The following KIAA1671 variants were observed in gnomAD, a reference collection of about 807,000 sequenced individuals.
KIAA1671 encodes the protein uncharacterized protein KIAA1671.
In KIAA1671, 52 loss-of-function variants were observed where a neutral mutation model predicts 131.2. The ratio of observed to expected loss-of-function variants is 0.40; its 90% CI spans 0.32 to 0.50. The LOEUF (loss-of-function observed/expected upper bound fraction) is 0.50, where lower values mean the gene tolerates loss of function less well. Among genes scored for constraint, KIAA1671 ranks in the 20% least tolerant of loss-of-function variants. The probability of loss-of-function intolerance (pLI) is 0.73; values close to 1 mark genes in which losing one functional copy is unlikely to be tolerated. For missense variants in KIAA1671, 2,360 were observed against 2,364.2 expected (o/e 1.00, Z 0.04); for synonymous variants, 1,003 against 961.6 (o/e 1.04, Z -0.80).
chr22:25,141,176 T>C (rs1035515628), intron 6 of KIAA1671, among the ~76,000 whole-genome samples: 1 of 152,174 alleles, frequency 6.6e-6, no homozygotes, highest in Admixed American at 6.5e-5. Flanking sequence ...AGGAAGTAAA[T>C]TCACCCACAT....
At chr22:25,064,066 T>G (rs1376031981) in intron 6 of KIAA1671, 1 of 152,202 alleles carries the variant, frequency 6.6e-6, no homozygotes, top group Non-Finnish European at 1.5e-5. Flanking sequence ...TTTTTGTGTT[T>G]GTTTGTTTGT....
intron 6 of KIAA1671, among the ~76,000 whole-genome samples, chr22:25,151,798 G>A (rs1357288315): frequency 6.6e-6 from 1 of 151,904 alleles, no homozygotes; most frequent in Non-Finnish European, 1.5e-5. Context: ...GAGTGTGGTG[G>A]TGCTATCTTG....
intron 6 of KIAA1671, among the ~76,000 whole-genome samples, chr22:25,090,366 T>C (rs1005187205): frequency 9.2e-5 from 14 of 152,260 alleles, no homozygotes; most frequent in Non-Finnish European, 1.9e-4. Flanking sequence ...TTGGAGAATT[T>C]AGCTGGGACC....
At chr22:25,146,989 A>G (rs1422724348) in intron 6 of KIAA1671, among the ~76,000 whole-genome samples, 5 of 151,676 alleles carry the variant, frequency 3.3e-5, no homozygotes, top group Admixed American at 3.3e-4. Flanking sequence ...TGCCTAATCC[A>G]TGTGTGTGTT....
intron 1 of KIAA1671, among the ~76,000 whole-genome samples, chr22:24,966,546 G>T (rs1922317428): frequency 6.6e-6 from 1 of 152,188 alleles, no homozygotes; most frequent in Non-Finnish European, 1.5e-5. Flanking sequence ...TTAGGCCCCA[G>T]CACTGGAAAG....
chr22:24,996,456 G>A (rs1460372521), intron 1 of KIAA1671, among the ~76,000 whole-genome samples: 1 of 152,182 alleles, frequency 6.6e-6, no homozygotes, highest in Non-Finnish European at 1.5e-5. Flanking sequence ...AGCTTTGGGA[G>A]GCAGTGTGTC....
chr22:25,029,120 C>CA lies in KIAA1671; in HGVS notation c.1122dup (p.Ser375IlefsTer8), dbSNP rs1209542272. On this transcript the variant is annotated frameshift_variant, in exon 3 of 13. Transcript: ENST00000358431. LOFTEE classifies it high-confidence loss of function. ...AGCCCCAGAGCCCTGGTGGGGGGCT[C>CA]ATCTGGGGTCACCCCCAGCAATGAC... 2.0e-6 allele frequency: 3 copies of CA among 1,463,690 alleles called. No homozygotes were observed. The African/African-American group carries it at 4.3e-5, about 21-fold the overall frequency. The allele number at this position is 1,463,690 out of a possible 1,614,324, so 90.7% of individuals were successfully genotyped here.
intron 6 of KIAA1671, among the ~76,000 whole-genome samples, chr22:25,084,735 A>T (rs575168696): frequency 1.9e-4 from 29 of 152,286 alleles, no homozygotes; most frequent in African/African-American, 7.0e-4. Flanking sequence ...CGAACAGTTG[A>T]GTGATAGAAC....
chr22:24,999,335 A>G (rs530200982), intron 1 of KIAA1671, among the ~76,000 whole-genome samples: 1 of 152,216 alleles, frequency 6.6e-6, no homozygotes, highest in South Asian at 2.1e-4. Context: ...CCTGGGCTCA[A>G]TTCACCCACC....
At chr22:25,051,847 A>C (rs1173470315) in intron 6 of KIAA1671, 2 of 152,250 alleles carry the variant, frequency 1.3e-5, no homozygotes, top group African/African-American at 4.8e-5. Flanking sequence ...GCTTTGATGA[A>C]TGACTTTGTG....
At chr22:24,996,910 C>A (rs1279913032) in intron 1 of KIAA1671, among the ~76,000 whole-genome samples, 2 of 152,166 alleles carry the variant, frequency 1.3e-5, no homozygotes, top group East Asian at 3.9e-4. Flanking sequence ...CCAACAGCAT[C>A]TCCCATAGGT....
intron 6 of KIAA1671, among the ~76,000 whole-genome samples, chr22:25,161,218 C>CA (rs1319715053): frequency 1.3e-5 from 2 of 151,952 alleles, no homozygotes; most frequent in Non-Finnish European, 2.9e-5. Context: ...AGAATTGTGA[C>CA]AAAAAACAGC....
At chr22:25,177,040 G>C in intron 8 of KIAA1671, 1 of 338,824 alleles carries the variant, frequency 3.0e-6, no homozygotes, top group Non-Finnish European at 5.4e-6. Flanking sequence ...TTGTGTGGTG[G>C]ATGTCACTGG....
At chr22:25,116,267 C>G (rs762166291) in intron 6 of KIAA1671, among the ~76,000 whole-genome samples, 4 of 150,898 alleles carry the variant, frequency 2.7e-5, no homozygotes, top group Non-Finnish European at 5.9e-5. Context: ...GAGACAGGGT[C>G]CTGCTATGTT....
At chr22:25,110,394 G>A (rs149744873) in intron 6 of KIAA1671, among the ~76,000 whole-genome samples, 13 of 152,320 alleles carry the variant, frequency 8.5e-5, no homozygotes, top group African/African-American at 1.2e-4. Flanking sequence ...TATTTACAGA[G>A]CCCTGACTCT....
At chr22:25,150,452 A>G (rs1479195189) in intron 6 of KIAA1671, among the ~76,000 whole-genome samples, 1 of 152,184 alleles carries the variant, frequency 6.6e-6, no homozygotes, top group Non-Finnish European at 1.5e-5. Flanking sequence ...TCCCTGTGCT[A>G]AGCCATGGCA....
intron 6 of KIAA1671, among the ~76,000 whole-genome samples, chr22:25,070,888 T>A (rs1928784141): frequency 1.3e-5 from 2 of 152,302 alleles, no homozygotes; most frequent in South Asian, 4.1e-4. Context: ...TTGGGACCCC[T>A]TCCCCACTAA....
At chr22:24,962,802 A>G (rs1157127226) in intron 1 of KIAA1671, among the ~76,000 whole-genome samples, 1 of 152,118 alleles carries the variant, frequency 6.6e-6, no homozygotes, top group Non-Finnish European at 1.5e-5. Flanking sequence ...GGGGCCCTGC[A>G]TCTGAGCCGG....
rs115946384 is a variant in KIAA1671 at position 25,094,486 on chromosome 22, A to G, written c.4530+45122A>G. Among the ~76,000 whole-genome samples, 459 of 151,264 alleles carry G rather than the reference A, an allele frequency of 3.0e-3. 2 individuals are homozygous for G. The highest frequency in any genetic ancestry group is 0.011 in the African/African-American group (427 of 40,632). ...GAGGCAAGCAGGCCCTGGGGTGGGA[A>G]GTAAAAGGTGAGAGTGAGAACACCC... On this transcript the variant is annotated intron_variant, in intron 6 of 12. Coordinates refer to ENST00000358431, the MANE Select transcript of KIAA1671 (RefSeq NM_001145206.2).
Sources: allele counts gnomAD v4.1 joint callset (sites outside exome capture counted in the v4.1 genomes callset), GRCh38; gene constraint gnomAD v4.1.1; transcripts MANE v1.5; gene names NCBI Gene and HGNC (gene_info 2026-07-23, HGNC 2026-07-21).